The following KCNQ4 variants were observed in gnomAD, a reference collection of about 807,000 sequenced individuals.
KCNQ4 encodes potassium voltage-gated channel subfamily KQT member 4.
A neutral mutation model predicts 72.6 loss-of-function variants in KCNQ4; 31 were observed. The ratio of observed to expected loss-of-function variants is 0.43; its 90% CI spans 0.32 to 0.58. The LOEUF (loss-of-function observed/expected upper bound fraction) is 0.58, where lower values mean the gene tolerates loss of function less well. KCNQ4 is among the 20% of genes least tolerant of loss of function. The pLI, the probability that KCNQ4 is intolerant of heterozygous loss-of-function variation, is 0.08. For missense variants in KCNQ4, 869 were observed against 962.6 expected, an observed-to-expected ratio of 0.90 and a Z score of 1.29; for synonymous variants, 405 against 403.7, an observed-to-expected ratio of 1.00 and a Z score of -0.04.
Position 40,817,590 on chromosome 1 carries a change from C to T in KCNQ4, c.405+235C>T, listed in dbSNP as rs1648139522. 6.6e-6 allele frequency among the ~76,000 whole-genome samples: 1 copy of T among 152,202 alleles called. No individual in the cohort carries two copies. On this transcript the variant is annotated intron_variant, in intron 2 of 13. Transcript: ENST00000347132. This position sits in a 1 kb window ranked among gnomAD's most constrained non-coding sequence, Gnocchi z 5.5. ...TGGAAAGAGGCTTCTCATACCATGG[C>T]TCAGAGAGCAGCTTGCTGTGCTGTG...
chr1:40,798,736 A>G (rs1232840638), intron 1 of KCNQ4, among the ~76,000 whole-genome samples: 3 of 152,148 alleles, frequency 2.0e-5, no homozygotes, highest in African/African-American at 7.2e-5. Flanking sequence ...GTGTGTGTAT[A>G]TATGTGGAAG....
At chr1:40,823,593 C>T (rs1157971852) in intron 8 of KCNQ4, among the ~76,000 whole-genome samples, 1 of 152,148 alleles carries the variant, frequency 6.6e-6, no homozygotes, top group Non-Finnish European at 1.5e-5. Context: ...TGGCTCATGG[C>T]AGCAGAAAAT....
intron 9 of KCNQ4, among the ~76,000 whole-genome samples, chr1:40,826,937 G>A (rs1265033223): frequency 6.6e-6 from 1 of 152,238 alleles, no homozygotes; most frequent in Non-Finnish European, 1.5e-5. Flanking sequence ...TGCTGCTGAT[G>A]CCCTCTGTGA....
intron 1 of KCNQ4, among the ~76,000 whole-genome samples, chr1:40,815,728 C>A (rs1264462463): frequency 1.3e-5 from 2 of 152,044 alleles, no homozygotes; most frequent in Non-Finnish European, 2.9e-5. Context: ...AGGTCAGGAA[C>A]CCCTGTCCAG....
chr1:40,816,267 C>T (rs937171994), intron 1 of KCNQ4, among the ~76,000 whole-genome samples: 1 of 152,080 alleles, frequency 6.6e-6, no homozygotes, highest in African/African-American at 2.4e-5. Flanking sequence ...TTCAGCACAC[C>T]CCCATCCTAA....
intron 9 of KCNQ4, among the ~76,000 whole-genome samples, chr1:40,830,310 C>G (rs1017907428): frequency 6.6e-6 from 1 of 152,118 alleles, no homozygotes; most frequent in Non-Finnish European, 1.5e-5. Flanking sequence ...ACCATGGGGC[C>G]GAGGCCCTCA....
At chr1:40,787,953 C>T (rs1210987640) in intron 1 of KCNQ4, among the ~76,000 whole-genome samples, 1 of 152,166 alleles carries the variant, frequency 6.6e-6, no homozygotes, top group African/African-American at 2.4e-5. Flanking sequence ...CCGCTCCCAG[C>T]CCCCAGGGCC....
At position 40,818,650 on chromosome 1, in the gene KCNQ4, G is replaced by A; in HGVS notation, c.678G>A (p.Leu226=). Residue 226 remains leucine, a synonymous_variant, in exon 4 of 14, where the codon CTG becomes CTA. Transcript: ENST00000347132. ...ACCGCCGCGGCGGCACCTGGAAGCT[G>A]CTGGGCTCAGTGGTCTACGCGCATA... ...RMDRRGGTWK[L]LGSVVYAHSK... 6.2e-7 allele frequency: 1 copy of A among 1,605,796 alleles called. No individual in the cohort carries two copies. The highest frequency in any genetic ancestry group is 8.5e-7 in the Non-Finnish European group (1 of 1,179,042).
intron 1 of KCNQ4, among the ~76,000 whole-genome samples, chr1:40,795,199 A>C (rs1298099669): frequency 6.6e-6 from 1 of 151,388 alleles, no homozygotes; most frequent in Non-Finnish European, 1.5e-5. Flanking sequence ...TCCTATAGCA[A>C]GTGCTTGGTA....
At chr1:40,837,597 AC>A in intron 12 of KCNQ4, 67 bp from the exon 13 acceptor site, 5 of 1,565,076 alleles carry the variant, frequency 3.2e-6, no homozygotes, top group Non-Finnish European at 4.3e-6. Context: ...TCATCAGGCA[AC>A]CTATAATTCT....
rs1648140641 is a variant in KCNQ4 at position 40,817,637 on chromosome 1, C to A, written c.405+282C>A. ...TGTGTTCCCTCAGCTGTGGCTGCCCCTCTCTGGGCATCATCTCCACTTTAT... is the reference window on the plus strand; with the variant it reads ...TGTGTTCCCTCAGCTGTGGCTGCCCATCTCTGGGCATCATCTCCACTTTAT... On this transcript the variant is annotated intron_variant, in intron 2 of 13. Transcript: ENST00000347132. The surrounding 1 kb of genome is among the most constrained non-coding windows in gnomAD (Gnocchi z 5.5). Among the ~76,000 whole-genome samples, 1 of 152,226 alleles carries A rather than the reference C, an allele frequency of 6.6e-6. No individual in the cohort carries two copies. The highest frequency in any genetic ancestry group is 1.5e-5 in the Non-Finnish European group (1 of 68,042).
At chr1:40,807,459 G>A (rs932621198) in intron 1 of KCNQ4, among the ~76,000 whole-genome samples, 2 of 151,174 alleles carry the variant, frequency 1.3e-5, no homozygotes, top group African/African-American at 4.9e-5. Context: ...CCTGGGTCAC[G>A]TGCTCTTGCT....
chr1:40,818,398 A>ACCCTCCCCCCCCCCCCC, intron 3 of KCNQ4, 107 bp from the exon 4 acceptor site: 1 of 1,558,772 alleles, frequency 6.4e-7, no homozygotes, highest in African/African-American at 1.4e-5. Flanking sequence ...GATTCAGCGG[A>ACCCTCCCCCCCCCCCCC]CCCTCCCCCT....
intron 12 of KCNQ4, among the ~76,000 whole-genome samples, chr1:40,836,379 G>A (rs7534139): frequency 1.3e-5 from 2 of 152,180 alleles, no homozygotes; most frequent in Non-Finnish European, 2.9e-5. Context: ...AGCAAGTTTC[G>A]GTCAGGAGAT....
intron 9 of KCNQ4, among the ~76,000 whole-genome samples, chr1:40,826,862 C>G (rs1349525875): frequency 6.6e-6 from 1 of 152,236 alleles, no homozygotes; most frequent in Non-Finnish European, 1.5e-5. Flanking sequence ...TCTGCTAGGT[C>G]TGGGGCATGG....
In KCNQ4 at chr1:40,832,955, G is replaced by A. The variant is rs1042077980; in HGVS notation, c.1514-59G>A. On this transcript the variant is annotated intron_variant, in intron 10 of 13. Coordinates refer to ENST00000347132, the MANE Select transcript of KCNQ4 (RefSeq NM_004700.4). ...CTGGTGGTTTGGCATACAAGGGTCG[G>A]ATGGGAGGTTGGGAGTGGCCCCTTT... 16 of 1,242,038 alleles carry A rather than the reference G, an allele frequency of 1.3e-5. 1 individual carries two copies. In the Middle Eastern group the frequency reaches 2.4e-3, roughly 188 times the overall value. The allele number at this position is 1,242,038 out of a possible 1,614,324, so 76.9% of individuals were successfully genotyped here.
At chr1:40,806,797 ATC>A (rs1417423714) in intron 1 of KCNQ4, among the ~76,000 whole-genome samples, 1 of 152,340 alleles carries the variant, frequency 6.6e-6, no homozygotes, top group East Asian at 1.9e-4. Flanking sequence ...CTCATGGCCC[ATC>A]TCTCTGCACC....
At position 40,839,890 on chromosome 1, in the gene KCNQ4, C is replaced by T. The variant is rs1347861656; in HGVS notation, c.*1367C>T. On this transcript the variant is annotated 3_prime_UTR_variant, in exon 14 of 14. Coordinates refer to ENST00000347132, the MANE Select transcript of KCNQ4 (RefSeq NM_004700.4). ...ATCCGGCTTTCACATGCACTGTCTC[C>T]CCTCCCTCCACACCCCACTTCTTCA... 6.6e-6 allele frequency: 1 copy of T among 152,234 alleles called. No homozygotes were observed. Among genetic ancestry groups the T allele is most frequent in the Non-Finnish European group, 1.5e-5 (1 of 68,068 alleles). 9.4% of individuals were successfully genotyped at this position (152,234 alleles called of 1,614,324 possible).
intron 1 of KCNQ4, among the ~76,000 whole-genome samples, chr1:40,807,291 G>A (rs568321224): frequency 1.3e-5 from 2 of 152,212 alleles, no homozygotes; most frequent in South Asian, 2.1e-4. Context: ...GTCACAAGGC[G>A]GAAGGGACTT....
Sources: allele counts gnomAD v4.1 joint callset (sites outside exome capture counted in the v4.1 genomes callset), GRCh38; gene constraint gnomAD v4.1.1; non-coding constraint Gnocchi (gnomAD v3.1); transcripts MANE v1.5; gene names NCBI Gene and HGNC (gene_info 2026-07-23, HGNC 2026-07-21).